The following ERC2 variants were observed in gnomAD, a reference collection of about 807,000 sequenced individuals.
ERC2 encodes ERC protein 2.
A neutral mutation model predicts 114.8 loss-of-function variants in ERC2; 42 were observed. The ratio of observed to expected loss-of-function variants is 0.37; its 90% CI spans 0.29 to 0.47. ERC2 has a LOEUF of 0.47. ERC2 is among the 20% of genes least tolerant of loss of function. The pLI is 0.99. For synonymous variants in ERC2, 454 were observed against 425.5 expected, an observed-to-expected ratio of 1.07 and a Z score of -0.82; for missense variants, 939 against 1,150.7, an observed-to-expected ratio of 0.82 and a Z score of 2.66.
intron 14 of ERC2, among the ~76,000 whole-genome samples, chr3:55,813,387 T>C (rs555592744): frequency 1.9e-4 from 29 of 152,352 alleles, no homozygotes; most frequent in Non-Finnish European, 3.4e-4. Flanking sequence ...TGAGTGCAGA[T>C]GGAGAACTCA....
chr3:55,948,416 G>A (rs1460396481), intron 13 of ERC2, among the ~76,000 whole-genome samples: 1 of 152,156 alleles, frequency 6.6e-6, no homozygotes, highest in African/African-American at 2.4e-5. Flanking sequence ...CAAAACAATA[G>A]CAATATTAAA....
intron 14 of ERC2, among the ~76,000 whole-genome samples, chr3:55,751,476 T>G (rs542523797): frequency 6.6e-6 from 1 of 152,296 alleles, no homozygotes; most frequent in East Asian, 1.9e-4. Context: ...TGCCTCTCTT[T>G]CGTTTGTTCA....
chr3:55,578,882 C>G (rs2057118872), intron 17 of ERC2, among the ~76,000 whole-genome samples: 1 of 152,090 alleles, frequency 6.6e-6, no homozygotes, highest in Non-Finnish European at 1.5e-5. Context: ...CTCTCATCTA[C>G]CAGCAGGCTA....
intron 4 of ERC2, among the ~76,000 whole-genome samples, chr3:56,152,670 A>T (rs1310796109): frequency 6.6e-6 from 1 of 152,146 alleles, no homozygotes; most frequent in African/African-American, 2.4e-5. Flanking sequence ...TGTAGAAAAA[A>T]ATTTTCAGGG....
intron 14 of ERC2, among the ~76,000 whole-genome samples, chr3:55,883,539 T>TACAC (rs34468467): frequency 0.21 from 30,609 of 143,768 alleles, 3,660 homozygotes; most frequent in African/African-American, 0.32. Flanking sequence ...TAATTAAACA[T>TACAC]ACACACACAC....
At chr3:55,738,252 A>G (rs1174975585) in intron 14 of ERC2, among the ~76,000 whole-genome samples, 1 of 152,180 alleles carries the variant, frequency 6.6e-6, no homozygotes, top group African/African-American at 2.4e-5. Context: ...AATCCCTAAA[A>G]CATAAAGCTA....
At chr3:55,859,794 C>A (rs1388040523) in intron 14 of ERC2, among the ~76,000 whole-genome samples, 1 of 148,788 alleles carries the variant, frequency 6.7e-6, no homozygotes, top group Non-Finnish European at 1.5e-5. Context: ...CCTTGCTAGT[C>A]AGCTATAAAC....
chr3:55,631,877 G>A (rs1310561789), intron 17 of ERC2, among the ~76,000 whole-genome samples: 1 of 152,200 alleles, frequency 6.6e-6, no homozygotes, highest in Non-Finnish European at 1.5e-5. Flanking sequence ...CCCTGTGTGT[G>A]GCATTCCACT....
intron 17 of ERC2, among the ~76,000 whole-genome samples, chr3:55,666,998 T>A (rs898434283): frequency 2.0e-5 from 3 of 152,262 alleles, no homozygotes; most frequent in Non-Finnish European, 4.4e-5. Context: ...TATACATTAT[T>A]ACATAACACA....
intron 2 of ERC2, among the ~76,000 whole-genome samples, chr3:56,311,251 C>CTA (rs1223217065): frequency 2.3e-5 from 1 of 42,786 alleles, no homozygotes; most frequent in African/African-American, 7.4e-5. Context: ...CTCTCTCTCT[C>CTA]TCTCTATATA....
chr3:55,707,047 C>A (rs2063530165), intron 15 of ERC2, among the ~76,000 whole-genome samples: 1 of 152,192 alleles, frequency 6.6e-6, no homozygotes, highest in Admixed American at 6.5e-5. Context: ...GATAGACAGA[C>A]AGATGCTGAT....
At chr3:56,015,388 T>C (rs970820381) in intron 8 of ERC2, among the ~76,000 whole-genome samples, 1 of 120,096 alleles carries the variant, frequency 8.3e-6, no homozygotes, top group Non-Finnish European at 1.6e-5. Context: ...CAGGCCCCAG[T>C]GTGTGTTGTT....
chr3:56,073,468 T>C (rs6805322), intron 7 of ERC2, among the ~76,000 whole-genome samples: 119,817 of 152,130 alleles, frequency 0.79, 48,265 homozygotes, highest in East Asian at 0.91. Flanking sequence ...CCCAGGGGAG[T>C]AGGGAGGTTC....
intron 14 of ERC2, among the ~76,000 whole-genome samples, chr3:55,793,351 T>C (rs1437246407): frequency 6.6e-6 from 1 of 152,136 alleles, no homozygotes; most frequent in Non-Finnish European, 1.5e-5. Context: ...TGTGTTGAGG[T>C]TGATGGTTAT....
chr3:56,114,430 C>A (rs1021333536), intron 6 of ERC2, among the ~76,000 whole-genome samples: 1 of 152,118 alleles, frequency 6.6e-6, no homozygotes, highest in Non-Finnish European at 1.5e-5. Flanking sequence ...GAAAGAAAGT[C>A]TAAAGGCAGT....
intron 3 of ERC2, among the ~76,000 whole-genome samples, chr3:56,280,768 A>C (rs1262195211): frequency 6.6e-6 from 1 of 152,216 alleles, no homozygotes; most frequent in African/African-American, 2.4e-5. Context: ...ATATGCTATG[A>C]GGAGTGACTA....
chr3:56,142,229 C>T (rs2080895586), intron 5 of ERC2, among the ~76,000 whole-genome samples: 1 of 152,082 alleles, frequency 6.6e-6, no homozygotes, highest in African/African-American at 2.4e-5. Flanking sequence ...CTAAAAAACC[C>T]ACTTATCCTT....
chr3:55,719,418 T>C (rs1227384628), intron 15 of ERC2, among the ~76,000 whole-genome samples: 1 of 152,192 alleles, frequency 6.6e-6, no homozygotes, highest in East Asian at 1.9e-4. Flanking sequence ...GCAGAAAACC[T>C]AGTGATAGAA....
chr3:56,032,897 G>GGC lies in ERC2; in HGVS notation c.1642-13867_1642-13866insGC, dbSNP rs1560055993. Among the ~76,000 whole-genome samples, 70 of 66,436 alleles carry GGC rather than the reference G, an allele frequency of 1.1e-3. 1 individual carries two copies. The highest frequency in any genetic ancestry group is 3.1e-3 in the African/African-American group (63 of 20,040). 43.6% of individuals were successfully genotyped at this position (66,436 alleles called of 152,430 possible). Reference sequence around the variant, plus strand: ...AAAGAAAGAAAGAAAGAGAGAGAGAGAGACAGAAAGAAAGAAAGAAAGAAA... The same window carrying GGC: ...AAAGAAAGAAAGAAAGAGAGAGAGAGGCAGACAGAAAGAAAGAAAGAAAGAAA... On this transcript the variant is annotated intron_variant, in intron 7 of 17. Coordinates refer to ENST00000288221, the MANE Select transcript of ERC2 (RefSeq NM_015576.3).
Sources: gnomAD v4.1 joint callset for allele counts (sites outside exome capture counted in the v4.1 genomes callset) on GRCh38, gnomAD v4.1.1 for gene constraint, MANE v1.5 for transcripts, NCBI Gene and HGNC (gene_info 2026-07-23, HGNC 2026-07-21) for gene names.